Variants in EFEMP1 observed in about 807,000 individuals in gnomAD.
EFEMP1 encodes EGF-containing fibulin-like extracellular matrix protein 1.
In EFEMP1, 18 loss-of-function variants were observed where a neutral mutation model predicts 65.7. The ratio of observed to expected loss-of-function variants is 0.27; its 90% CI spans 0.19 to 0.41. The LOEUF is 0.41. Among genes scored for constraint, EFEMP1 ranks in the 10% least tolerant of loss-of-function variants. The probability of loss-of-function intolerance (pLI) is 1.00; values close to 1 mark genes in which losing one functional copy is unlikely to be tolerated. For synonymous variants in EFEMP1, 237 were observed against 219.7 expected (o/e 1.08, Z -0.70); for missense variants, 469 against 624.8 (o/e 0.75, Z 2.66).
At chr2:55,903,705 C>G (rs1288337966) in intron 5 of EFEMP1, among the ~76,000 whole-genome samples, 1 of 152,032 alleles carries the variant, frequency 6.6e-6, no homozygotes, top group Non-Finnish European at 1.5e-5. Flanking sequence ...AACAGCAAAA[C>G]CAATTTATTA....
chr2:55,876,841 G>A (rs757959418), intron 7 of EFEMP1, 99 bp from the exon 8 acceptor site: 40 of 652,988 alleles, frequency 6.1e-5, no homozygotes, highest in Admixed American at 7.7e-5. Flanking sequence ...TTGTACCTAC[G>A]TCATCTGCTG....
intron 5 of EFEMP1, among the ~76,000 whole-genome samples, chr2:55,898,619 A>G (rs764491473): frequency 6.6e-6 from 1 of 152,148 alleles, no homozygotes; most frequent in Non-Finnish European, 1.5e-5. Context: ...CCATATGTGT[A>G]AATGTATTTT....
At position 55,923,294 on chromosome 2, in the gene EFEMP1, G is replaced by A. The variant is rs1670977231; in HGVS notation, c.-48-355C>T. 6.6e-6 allele frequency among the ~76,000 whole-genome samples: 1 copy of A among 152,154 alleles called. No individual in the cohort carries two copies. Among genetic ancestry groups the A allele is most frequent in the Admixed American group, 6.5e-5 (1 of 15,280 alleles). On this transcript the variant is annotated intron_variant, in intron 1 of 11. Transcript: ENST00000355426. The surrounding 1 kb of genome is among the most constrained non-coding windows in gnomAD (Gnocchi z 5.3). ...GGTACCAGTTTCGGGCGGGCGGCCTGGCCCGGCAGGGAGATGAGGTCCCCT... is the reference window on the plus strand; with the variant it reads ...GGTACCAGTTTCGGGCGGGCGGCCTAGCCCGGCAGGGAGATGAGGTCCCCT...
Position 55,866,456 on chromosome 2 carries a change from C to A in EFEMP1, c.*617G>T, listed in dbSNP as rs1031869264. Reference sequence around the variant, plus strand: ...GGAAAATTTTGCTTACTGTTTTTTACAAAATATTCACAATCTAAAATTTCT... The same window carrying A: ...GGAAAATTTTGCTTACTGTTTTTTAAAAAATATTCACAATCTAAAATTTCT... On this transcript the variant is annotated 3_prime_UTR_variant, in exon 12 of 12. Coordinates refer to ENST00000355426, the MANE Select transcript of EFEMP1 (RefSeq NM_001039348.3). 1 of 152,164 alleles carries A rather than the reference C, an allele frequency of 6.6e-6. No individual in the cohort carries two copies. The highest frequency in any genetic ancestry group is 2.4e-5 in the African/African-American group (1 of 41,394). 9.4% of individuals were successfully genotyped at this position (152,164 alleles called of 1,614,324 possible).
At chr2:55,889,726 A>G (rs1335301749) in intron 5 of EFEMP1, among the ~76,000 whole-genome samples, 1 of 152,130 alleles carries the variant, frequency 6.6e-6, no homozygotes, top group Non-Finnish European at 1.5e-5. Context: ...AGGTCCTTGA[A>G]TCACGCAGGA....
chr2:55,896,205 A>G (rs1669825649), intron 5 of EFEMP1, among the ~76,000 whole-genome samples: 1 of 152,262 alleles, frequency 6.6e-6, no homozygotes, highest in Admixed American at 6.5e-5. Flanking sequence ...ACGCTTCCAT[A>G]GTATTTACAC....
At chr2:55,874,010 T>G (rs77895723) in intron 9 of EFEMP1, among the ~76,000 whole-genome samples, 1 of 147,636 alleles carries the variant, frequency 6.8e-6, no homozygotes, top group Non-Finnish European at 1.5e-5. Flanking sequence ...GTACAAGCTT[T>G]ATAGTTTACA....
rs991541855 is a variant in EFEMP1, at chr2:55,921,745, T to C, written c.81+615A>G. 6.6e-6 allele frequency among the ~76,000 whole-genome samples: 1 copy of C among 152,216 alleles called. No individual in the cohort carries two copies. Among genetic ancestry groups the C allele is most frequent in the African/African-American group, 2.4e-5 (1 of 41,450 alleles). ...ACTTGGAAATATCAGAGACGCTAAT[T>C]AGAAAATGCAAAACGGAGTTGCACA... On this transcript the variant is annotated intron_variant, in intron 3 of 11. Transcript: ENST00000355426. This position sits in a 1 kb window ranked among gnomAD's most constrained non-coding sequence, Gnocchi z 4.1.
intron 5 of EFEMP1, among the ~76,000 whole-genome samples, chr2:55,900,818 C>G (rs1389752984): frequency 6.6e-6 from 1 of 152,080 alleles, no homozygotes. Flanking sequence ...GATTTTTAGT[C>G]ATATATCTTT....
chr2:55,888,338 T>C (rs1572809417), intron 5 of EFEMP1, among the ~76,000 whole-genome samples: 1 of 143,738 alleles, frequency 7.0e-6, no homozygotes, highest in East Asian at 2.1e-4. Context: ...CTTAAACTTT[T>C]TTTTTTTTTT....
intron 5 of EFEMP1, among the ~76,000 whole-genome samples, chr2:55,882,947 A>G (rs990653130): frequency 1.3e-5 from 2 of 152,158 alleles, no homozygotes; most frequent in Admixed American, 6.5e-5. Context: ...AATCTCTGAG[A>G]GTAGACCCTG....
rs1183984253 is a variant in EFEMP1 at position 55,922,662 on chromosome 2, T to C, written c.-7-215A>G. The C allele has an allele frequency of 9.0e-6, 5 of 552,808 alleles. No individual in the cohort carries two copies. Among genetic ancestry groups the C allele is most frequent in the Middle Eastern group, 5.3e-4 (1 of 1,894 alleles). 34.2% of individuals were successfully genotyped at this position (552,808 alleles called of 1,614,324 possible). On this transcript the variant is annotated intron_variant, in intron 2 of 11. Transcript: ENST00000355426. The surrounding 1 kb of genome is among the most constrained non-coding windows in gnomAD (Gnocchi z 5.5). ...CAAAGACGTAAAAACTGCTGTAGAA[T>C]TGCATTTCACGTTACTCCATCCTGC...
At chr2:55,868,008 G>T (rs1305100379) in intron 11 of EFEMP1, among the ~76,000 whole-genome samples, 1 of 152,070 alleles carries the variant, frequency 6.6e-6, no homozygotes, top group African/African-American at 2.4e-5. Flanking sequence ...TTAAACCAAG[G>T]GAGAGAATGC....
chr2:55,899,293 A>G (rs1669947209), intron 5 of EFEMP1, among the ~76,000 whole-genome samples: 1 of 152,140 alleles, frequency 6.6e-6, no homozygotes, highest in African/African-American at 2.4e-5. Flanking sequence ...TAAAAGTCTG[A>G]CCTTATGTTA....
At chr2:55,918,091 G>T (rs1326626235) in intron 4 of EFEMP1, 40 bp from the exon 5 acceptor site, 2 of 1,613,924 alleles carry the variant, frequency 1.2e-6, no homozygotes, top group Non-Finnish European at 1.7e-6. Context: ...TCTTCTAAGA[G>T]GGAAAAATCA....
At position 55,866,874 on chromosome 2, in the gene EFEMP1, A is replaced by T; in HGVS notation, c.*199T>A. The T allele has an allele frequency of 3.2e-6, 2 of 630,902 alleles. No homozygotes were observed. The highest frequency in any genetic ancestry group is 5.4e-6 in the Non-Finnish European group (2 of 373,830). The allele number at this position is 630,902 out of a possible 1,614,324, so 39.1% of individuals were successfully genotyped here. A position where few individuals can be genotyped will look rare whatever the true frequency, so the allele number is the denominator to read the frequency against. On this transcript the variant is annotated 3_prime_UTR_variant, in exon 12 of 12. Transcript: ENST00000355426. ...AGTTTAGTGGATTAATGTCTAATTT[A>T]CATATAGTAATAAAGACAAACTTTG... is the stretch of plus-strand genomic sequence containing the variant.
intron 5 of EFEMP1, among the ~76,000 whole-genome samples, chr2:55,892,508 T>A (rs887221671): frequency 6.6e-6 from 1 of 152,024 alleles, no homozygotes; most frequent in East Asian, 1.9e-4. Flanking sequence ...CAAAGGAGAG[T>A]CTGAAAATGG....
At chr2:55,887,333 C>A (rs570097752) in intron 5 of EFEMP1, among the ~76,000 whole-genome samples, 1 of 152,170 alleles carries the variant, frequency 6.6e-6, no homozygotes, top group East Asian at 1.9e-4. Flanking sequence ...TTTTTTTTAG[C>A]CTTAAAGATA....
chr2:55,902,965 C>G (rs976380920), intron 5 of EFEMP1, among the ~76,000 whole-genome samples: 2 of 152,240 alleles, frequency 1.3e-5, no homozygotes, highest in Middle Eastern at 3.2e-3. Flanking sequence ...CTGTCTCTTT[C>G]TCTTTCCTGT....
Sources: allele counts gnomAD v4.1 joint callset (sites outside exome capture counted in the v4.1 genomes callset), GRCh38; gene constraint gnomAD v4.1.1; non-coding constraint Gnocchi (gnomAD v3.1); transcripts MANE v1.5; gene names NCBI Gene and HGNC (gene_info 2026-07-23, HGNC 2026-07-21).